The following ADGRL3 variants were observed in gnomAD, a reference collection of about 807,000 sequenced individuals.
ADGRL3 encodes the protein calcium-independent alpha-latrotoxin receptor 3.
Under a neutral mutation model 153.5 loss-of-function variants are expected in ADGRL3, and 62 were observed. The observed-to-expected ratio is 0.40, with a 90% confidence interval of 0.33 to 0.50. ADGRL3 has a LOEUF of 0.50. Ranked by LOEUF, ADGRL3 falls within the 20% of genes least tolerant of loss-of-function variation. The pLI is 0.47. For missense variants in ADGRL3, 1,641 were observed against 1,859.4 expected (o/e 0.88, Z 2.16); for synonymous variants, 710 against 672.5 (o/e 1.06, Z -0.86).
chr4:61,991,935 GAT>G (rs2099105219), intron 19 of ADGRL3, among the ~76,000 whole-genome samples: 1 of 147,414 alleles, frequency 6.8e-6, no homozygotes, highest in Non-Finnish European at 1.5e-5. Flanking sequence ...AATATTACAT[GAT>G]ATATATAATA....
intron 1 of ADGRL3, among the ~76,000 whole-genome samples, chr4:61,282,590 T>A (rs1184915481): frequency 6.6e-6 from 1 of 152,024 alleles, no homozygotes; most frequent in Non-Finnish European, 1.5e-5. Flanking sequence ...GTTTTTTTAG[T>A]CATTTTTTTG....
At chr4:62,051,069 G>T (rs989074728) in intron 25 of ADGRL3, among the ~76,000 whole-genome samples, 9 of 150,156 alleles carry the variant, frequency 6.0e-5, no homozygotes, top group African/African-American at 2.2e-4. Flanking sequence ...AGCGTTCTGT[G>T]TGTGTGTATA....
At chr4:61,459,316 T>C (rs933732410) in intron 2 of ADGRL3, among the ~76,000 whole-genome samples, 1 of 151,580 alleles carries the variant, frequency 6.6e-6, no homozygotes, top group African/African-American at 2.4e-5. Flanking sequence ...GGACAAACAA[T>C]AAACAAATAG....
chr4:61,368,229 C>A (rs1158860083), intron 1 of ADGRL3, among the ~76,000 whole-genome samples: 1 of 152,078 alleles, frequency 6.6e-6, no homozygotes, highest in African/African-American at 2.4e-5. Flanking sequence ...TGTGCAGAAG[C>A]TCTTTAGTTT....
chr4:61,756,811 T>C (rs1253685277), intron 8 of ADGRL3, among the ~76,000 whole-genome samples: 1 of 151,826 alleles, frequency 6.6e-6, no homozygotes, highest in African/African-American at 2.4e-5. Context: ...CCTAATTTAT[T>C]GAGAGTTTTT....
chr4:61,747,343 C>T (rs1300755121), intron 8 of ADGRL3, among the ~76,000 whole-genome samples: 1 of 151,878 alleles, frequency 6.6e-6, no homozygotes, highest in Non-Finnish European at 1.5e-5. Context: ...AGGGAATCCT[C>T]CCTAACTCAT....
At chr4:61,501,348 A>G (rs2098384654) in intron 3 of ADGRL3, among the ~76,000 whole-genome samples, 1 of 152,204 alleles carries the variant, frequency 6.6e-6, no homozygotes, top group Non-Finnish European at 1.5e-5. Context: ...TAAGAAATGA[A>G]TGCAAGGATG....
chr4:61,536,341 G>A (rs12331233), intron 4 of ADGRL3, among the ~76,000 whole-genome samples: 60,060 of 152,026 alleles, frequency 0.4, 12,849 homozygotes, highest in Non-Finnish European at 0.47. Flanking sequence ...TGCAGATGAG[G>A]AAAATGTATA....
chr4:61,371,006 A>T (rs1320851915), intron 1 of ADGRL3, among the ~76,000 whole-genome samples: 1 of 150,506 alleles, frequency 6.6e-6, no homozygotes, highest in African/African-American at 2.4e-5. Flanking sequence ...GTCTCTTTTG[A>T]TCTTTGTTGG....
At chr4:62,041,421 T>C (rs1728208369) in intron 24 of ADGRL3, among the ~76,000 whole-genome samples, 1 of 152,066 alleles carries the variant, frequency 6.6e-6, no homozygotes, top group African/African-American at 2.4e-5. Context: ...TTTAGATATA[T>C]TTGCTTTTTA....
Position 61,575,027 on chromosome 4 carries a change from T to C in ADGRL3, c.260-12200T>C, listed in dbSNP as rs553528870. 3.2e-4 allele frequency among the ~76,000 whole-genome samples: 49 copies of C among 152,012 alleles called. 2 individuals are homozygous for C. The South Asian group carries it at 9.5e-3, about 30-fold the overall frequency. On this transcript the variant is annotated intron_variant, in intron 4 of 26. Coordinates refer to ENST00000683033, the MANE Select transcript of ADGRL3 (RefSeq NM_001387552.1). ...AGAACTAAAAATCTCTTTAAAAATG[T>C]CAGTTGATTTTTTCTTAACCACCTG...
intron 1 of ADGRL3, among the ~76,000 whole-genome samples, chr4:61,315,308 G>C (rs1381242025): frequency 1.3e-5 from 2 of 152,166 alleles, no homozygotes; most frequent in African/African-American, 4.8e-5. Flanking sequence ...TCACCCCATG[G>C]ATGGTAAGTA....
intron 2 of ADGRL3, among the ~76,000 whole-genome samples, chr4:61,494,126 G>C (rs1013824783): frequency 6.9e-6 from 1 of 144,772 alleles, no homozygotes; most frequent in African/African-American, 2.6e-5. Flanking sequence ...GAGAAAAACT[G>C]TTCTGCTAAT....
intron 1 of ADGRL3, among the ~76,000 whole-genome samples, chr4:61,261,476 T>G (rs1311463784): frequency 6.6e-6 from 1 of 152,168 alleles, no homozygotes; most frequent in Non-Finnish European, 1.5e-5. Flanking sequence ...GAATTTTTTC[T>G]GAATATTTTT....
intron 11 of ADGRL3, among the ~76,000 whole-genome samples, chr4:61,903,650 CAAAA>C (rs55879235): frequency 2.8e-5 from 2 of 72,354 alleles, no homozygotes; most frequent in African/African-American, 6.5e-5. Flanking sequence ...TGGGAAACAG[CAAAA>C]AAAAAAAAAA....
chr4:61,643,296 A>C (rs1465924207), intron 5 of ADGRL3, among the ~76,000 whole-genome samples: 1 of 151,824 alleles, frequency 6.6e-6, no homozygotes, highest in African/African-American at 2.4e-5. Flanking sequence ...CTCCTGCCTA[A>C]TTGCCCTGGC....
chr4:61,227,720 T>C (rs1256895137), intron 1 of ADGRL3, among the ~76,000 whole-genome samples: 1 of 152,200 alleles, frequency 6.6e-6, no homozygotes, highest in Non-Finnish European at 1.5e-5. Flanking sequence ...AAAACTATTC[T>C]TTTGTCAAAA....
intron 9 of ADGRL3, among the ~76,000 whole-genome samples, chr4:61,885,227 C>A (rs2098531447): frequency 6.6e-6 from 1 of 152,040 alleles, no homozygotes; most frequent in Admixed American, 6.5e-5. Context: ...TACTCAGCAG[C>A]TGAAACAGGA....
chr4:61,397,781 A>C (rs770908042), intron 2 of ADGRL3, among the ~76,000 whole-genome samples: 5 of 151,946 alleles, frequency 3.3e-5, no homozygotes, highest in Non-Finnish European at 5.9e-5. Context: ...TGAACCTCTT[A>C]TCACTAAGAA....
Sources: allele counts gnomAD v4.1 joint callset (sites outside exome capture counted in the v4.1 genomes callset), GRCh38; gene constraint gnomAD v4.1.1; transcripts MANE v1.5; gene names NCBI Gene and HGNC (gene_info 2026-07-23, HGNC 2026-07-21).